Variants in RAPGEF1 observed in about 807,000 individuals in gnomAD.
RAPGEF1 encodes the protein CRK SH3-binding GNRP.
RAPGEF1 carries 33 observed loss-of-function variants against 143.3 expected under a neutral mutation model. That is an observed-to-expected ratio of 0.23 (90% CI 0.17 to 0.31). The LOEUF is 0.31. Ranked by LOEUF, RAPGEF1 falls within the 10% of genes least tolerant of loss-of-function variation. The pLI is 1.00. For missense variants in RAPGEF1, 1,199 were observed against 1,645.4 expected (o/e 0.73, Z 4.69); for synonymous variants, 629 against 676.5 (o/e 0.93, Z 1.09).
chr9:131,699,477 T>C (rs928806171), intron 1 of RAPGEF1, among the ~76,000 whole-genome samples: 5 of 151,984 alleles, frequency 3.3e-5, no homozygotes, highest in Admixed American at 3.3e-4. Context: ...CTCCCGACCT[T>C]AGGTGATCCG....
intron 1 of RAPGEF1, among the ~76,000 whole-genome samples, chr9:131,672,694 C>T (rs1831604172): frequency 6.6e-6 from 1 of 152,204 alleles, no homozygotes; most frequent in Non-Finnish European, 1.5e-5. Flanking sequence ...GACCCTTTGA[C>T]TTCGACAGCA....
intron 15 of RAPGEF1, among the ~76,000 whole-genome samples, chr9:131,600,417 C>T (rs770195902): frequency 6.6e-6 from 1 of 152,200 alleles, no homozygotes; most frequent in Non-Finnish European, 1.5e-5. Context: ...CTAGAAACCA[C>T]ACCATTCCTG....
At chr9:131,718,186 C>A (rs534683866) in intron 1 of RAPGEF1, among the ~76,000 whole-genome samples, 52 of 152,214 alleles carry the variant, frequency 3.4e-4, no homozygotes, top group African/African-American at 1.2e-3. Flanking sequence ...AGTAAGAGAA[C>A]GGCAAGTGCA....
At chr9:131,691,312 C>T (rs1020987551) in intron 1 of RAPGEF1, among the ~76,000 whole-genome samples, 1 of 152,078 alleles carries the variant, frequency 6.6e-6, no homozygotes, top group Non-Finnish European at 1.5e-5. Context: ...TGAGGTTTCT[C>T]AGTTGGGCCC....
chr9:131,728,129 G>C (rs1206187587), intron 1 of RAPGEF1, among the ~76,000 whole-genome samples: 1 of 152,174 alleles, frequency 6.6e-6, no homozygotes, highest in Non-Finnish European at 1.5e-5. Flanking sequence ...CAGGGGTTAA[G>C]GAAGACTCAG....
At chr9:131,657,724 C>T (rs1470611913) in intron 1 of RAPGEF1, among the ~76,000 whole-genome samples, 2 of 152,218 alleles carry the variant, frequency 1.3e-5, no homozygotes, top group Admixed American at 6.5e-5. Context: ...CTGGATGGTG[C>T]AGCTCGAGAA....
chr9:131,601,487 T>G (rs996100061), intron 15 of RAPGEF1, among the ~76,000 whole-genome samples: 1 of 152,206 alleles, frequency 6.6e-6, no homozygotes, highest in Non-Finnish European at 1.5e-5. Flanking sequence ...AATCAAGAAG[T>G]AATGGCAAAC....
chr9:131,616,868 A>G (rs954867884), intron 12 of RAPGEF1, among the ~76,000 whole-genome samples: 2 of 152,320 alleles, frequency 1.3e-5, no homozygotes, highest in Non-Finnish European at 2.9e-5. Flanking sequence ...CCCTTCTCTG[A>G]GGTTCCGGCA....
chr9:131,737,649 T>C (rs1837505463), intron 1 of RAPGEF1: 2 of 1,361,268 alleles, frequency 1.5e-6, no homozygotes, highest in East Asian at 5.3e-5. Context: ...GCTCATGGGA[T>C]GACAGGCAAC....
intron 20 of RAPGEF1, 70 bp from the exon 21 acceptor site, chr9:131,588,096 G>T: frequency 1.5e-6 from 2 of 1,304,034 alleles, no homozygotes; most frequent in Non-Finnish European, 1.1e-6. Flanking sequence ...AGCAGGCCCG[G>T]GCTGCGGGCG....
intron 1 of RAPGEF1, among the ~76,000 whole-genome samples, chr9:131,665,744 G>A (rs1431818373): frequency 1.3e-5 from 2 of 152,148 alleles, no homozygotes; most frequent in African/African-American, 4.8e-5. Context: ...AAGCCACTAT[G>A]AGTGGTTGGG....
rs1477134261 is a variant in RAPGEF1, at chr9:131,638,802, G to A, written c.495-11C>T. ...GAAGAGAGGGCTGAGCTACAGGGAA[G>A]AGAAGAATGGAAAAAAAGAAAATCT... On this transcript the variant is annotated splice_polypyrimidine_tract_variant and intron_variant, in intron 4 of 26. Coordinates refer to ENST00000683357, the MANE Select transcript of RAPGEF1 (RefSeq NM_001377935.1). 1.9e-6 allele frequency: 3 copies of A among 1,612,496 alleles called. No individual in the cohort carries two copies. The East Asian group carries it at 6.7e-5, about 36-fold the overall frequency.
At chr9:131,694,496 A>C (rs924376896) in intron 1 of RAPGEF1, among the ~76,000 whole-genome samples, 1 of 152,206 alleles carries the variant, frequency 6.6e-6, no homozygotes, top group Non-Finnish European at 1.5e-5. Flanking sequence ...TGTTAAAATG[A>C]AACAGAAATG....
rs374665364 is a variant in RAPGEF1, at chr9:131,630,319, C to G, written c.657G>C (p.Leu219=). The G allele has an allele frequency of 1.9e-6, 3 of 1,613,522 alleles. No homozygotes were observed. In the African/African-American group the frequency reaches 4.0e-5, roughly 22 times the overall value. Residue 219 remains leucine, a synonymous_variant, in exon 6 of 27, where the codon CTG becomes CTC. Coordinates refer to ENST00000683357, the MANE Select transcript of RAPGEF1 (RefSeq NM_001377935.1). ...IKAVLDGVKE[L]VRLTIEKQGR... ...CCTGCTTCTCGATGGTGAGCCTGACCAGCTCCTACCCCCACAAGAAAAAGG... is the reference window on the plus strand; with the variant it reads ...CCTGCTTCTCGATGGTGAGCCTGACGAGCTCCTACCCCCACAAGAAAAAGG...
chr9:131,720,398 G>T (rs1347587490), intron 1 of RAPGEF1, among the ~76,000 whole-genome samples: 1 of 152,144 alleles, frequency 6.6e-6, no homozygotes, highest in East Asian at 1.9e-4. Context: ...GACTTTGAGT[G>T]GTGGTTCCAA....
At chr9:131,738,663 A>G (rs1254450598) in intron 1 of RAPGEF1, among the ~76,000 whole-genome samples, 2 of 152,210 alleles carry the variant, frequency 1.3e-5, no homozygotes, top group Non-Finnish European at 2.9e-5. Context: ...ACTAGCTTCA[A>G]AAATTTAAGA....
chr9:131,713,180 A>G (rs1381692917), intron 1 of RAPGEF1, among the ~76,000 whole-genome samples: 1 of 152,198 alleles, frequency 6.6e-6, no homozygotes, highest in Non-Finnish European at 1.5e-5. Context: ...AGCCTTGCAC[A>G]AATACGCCGA....
intron 9 of RAPGEF1, 73 bp from the exon 10 acceptor site, chr9:131,626,495 G>A (rs1159766956): frequency 6.9e-7 from 1 of 1,459,160 alleles, no homozygotes; most frequent in South Asian, 1.4e-5. Flanking sequence ...CCCCCCGCCC[G>A]CCTCTCGCCG....
chr9:131,692,730 T>A (rs148538339), intron 1 of RAPGEF1, among the ~76,000 whole-genome samples: 25 of 152,344 alleles, frequency 1.6e-4, no homozygotes, highest in African/African-American at 6.0e-4. Context: ...AGGATAATGC[T>A]ACATTGCCGG....
Sources: allele counts gnomAD v4.1 joint callset (sites outside exome capture counted in the v4.1 genomes callset), GRCh38; gene constraint gnomAD v4.1.1; transcripts MANE v1.5; gene names NCBI Gene and HGNC (gene_info 2026-07-23, HGNC 2026-07-21).